Variants in SLC67A2 observed in about 807,000 individuals in gnomAD.
The protein encoded by SLC67A2 is solute carrier family 67 member 2.
At chr2:102,735,609 A>C in the SLC67A2 span, among the ~76,000 whole-genome samples, 2 of 152,176 alleles carry the variant, frequency 1.3e-5, no homozygotes, top group African/African-American at 4.8e-5. Flanking sequence ...CTAGCCTTGG[A>C]AAGGGAGGAG....
the SLC67A2 span, among the ~76,000 whole-genome samples, chr2:102,727,897 T>C: frequency 6.6e-6 from 1 of 152,212 alleles, no homozygotes; most frequent in Non-Finnish European, 1.5e-5. Context: ...TTGCCTTTTT[T>C]CCTGATAATT....
At chr2:102,736,723 T>G in the SLC67A2 span, 1 of 1,613,758 alleles carries the variant, frequency 6.2e-7, no homozygotes, top group Non-Finnish European at 8.5e-7. Flanking sequence ...TCCGCCTCGG[T>G]TCCTGTCTTC....
At chr2:102,724,326 G>T in the SLC67A2 span, among the ~76,000 whole-genome samples, 3 of 152,114 alleles carry the variant, frequency 2.0e-5, no homozygotes, top group African/African-American at 7.2e-5. Context: ...TCTATGGCCA[G>T]CCCTAAGGTT....
the SLC67A2 span, among the ~76,000 whole-genome samples, chr2:102,730,860 A>G: frequency 3.3e-5 from 5 of 152,214 alleles, no homozygotes; most frequent in East Asian, 1.9e-4. Context: ...AAAATTGATA[A>G]TAACTTTTGT....
the SLC67A2 span, chr2:102,717,892 G>T: frequency 6.5e-6 from 1 of 154,142 alleles, no homozygotes; most frequent in Admixed American, 6.4e-5. Context: ...AAAGCGACAG[G>T]CTGGTTCTAA....
chr2:102,731,217 C>A, the SLC67A2 span: 8 of 570,300 alleles, frequency 1.4e-5, no homozygotes, highest in South Asian at 9.3e-5. Flanking sequence ...TTTTTTTCTA[C>A]TTGGAAAAAT....
chr2:102,731,203 C>CT, the SLC67A2 span: 7,030 of 517,134 alleles, frequency 0.014, no homozygotes, highest in South Asian at 0.018. Context: ...TATCTCACAT[C>CT]TTTTTTTTTT....
chr2:102,723,991 C>T, the SLC67A2 span: 3 of 1,184,460 alleles, frequency 2.5e-6, no homozygotes, highest in Admixed American at 1.8e-5. Flanking sequence ...TAACCTCTAT[C>T]CCTGATGGAG....
At chr2:102,727,544 ATATT>A in the SLC67A2 span, among the ~76,000 whole-genome samples, 2 of 152,198 alleles carry the variant, frequency 1.3e-5, no homozygotes, top group Non-Finnish European at 2.9e-5. Flanking sequence ...CTACATACCA[ATATT>A]TATTTAACAA....
the SLC67A2 span, chr2:102,719,071 C>G: frequency 1.2e-6 from 2 of 1,614,210 alleles, no homozygotes; most frequent in Non-Finnish European, 1.7e-6. Flanking sequence ...TCTTGCTGGC[C>G]CTGGCTCTGC....
chr2:102,719,312 T>C, the SLC67A2 span: 2,076 of 1,178,202 alleles, frequency 1.8e-3, 33 homozygotes, highest in African/African-American at 0.027. Context: ...CTAATCTATA[T>C]TTTGGTACTA....
chr2:102,714,922 G>A, the SLC67A2 span, among the ~76,000 whole-genome samples: 1 of 152,172 alleles, frequency 6.6e-6, no homozygotes, highest in Non-Finnish European at 1.5e-5. Flanking sequence ...TGACTGGACT[G>A]ATTCTCACTC....
the SLC67A2 span, chr2:102,723,862 C>T: frequency 2.5e-6 from 4 of 1,614,170 alleles, no homozygotes; most frequent in Middle Eastern, 1.6e-4. Flanking sequence ...TCTGGAACCA[C>T]ATCAGAAAGT....
chr2:102,726,817 A>G, the SLC67A2 span: 96 of 361,256 alleles, frequency 2.7e-4, no homozygotes, highest in Middle Eastern at 7.1e-4. Context: ...GCTACGTTTG[A>G]AAAAAAAAAA....
At chr2:102,718,663 G>A in the SLC67A2 span, 2 of 1,613,930 alleles carry the variant, frequency 1.2e-6, no homozygotes, top group African/African-American at 1.3e-5. Context: ...GGTCCGTGAT[G>A]CACGTCCTGC....
At chr2:102,721,998 AC>A in the SLC67A2 span, among the ~76,000 whole-genome samples, 1 of 152,202 alleles carries the variant, frequency 6.6e-6, no homozygotes, top group South Asian at 2.1e-4. Context: ...GAGCCACTGC[AC>A]CCGGCCCAAT....
the SLC67A2 span, chr2:102,723,697 T>C: frequency 5.6e-6 from 9 of 1,613,652 alleles, no homozygotes; most frequent in Non-Finnish European, 5.9e-6. Context: ...ATTGTCAACT[T>C]ACCAGCATTG....
the SLC67A2 span, chr2:102,732,251 T>C: frequency 2.4e-6 from 3 of 1,259,684 alleles, no homozygotes; most frequent in Non-Finnish European, 3.5e-6. Context: ...CAAAATTGAA[T>C]TGTTTTCAGG....
At chr2:102,727,191 AAAAC>A in the SLC67A2 span, among the ~76,000 whole-genome samples, 2 of 152,092 alleles carry the variant, frequency 1.3e-5, no homozygotes, top group African/African-American at 2.4e-5. Flanking sequence ...TTTTTGTCCA[AAAAC>A]AAACAAACAA....
Sources: allele counts gnomAD v4.1 joint callset (sites outside exome capture counted in the v4.1 genomes callset), GRCh38; gene constraint gnomAD v4.1.1; transcripts MANE v1.5; gene names NCBI Gene and HGNC (gene_info 2026-07-23, HGNC 2026-07-21).